Variants in LMCD1 observed in about 807,000 individuals in gnomAD.
LMCD1 encodes the protein LIM and cysteine rich domains 1.
In LMCD1, 32 loss-of-function variants were observed where a neutral mutation model predicts 42.7. That is an observed-to-expected ratio of 0.75 (90% CI 0.57 to 1.01). The LOEUF (loss-of-function observed/expected upper bound fraction) is 1.01, where lower values mean the gene tolerates loss of function less well. LMCD1 is among the 50% of genes least tolerant of loss of function. The probability of loss-of-function intolerance (pLI) is 0.00; values close to 1 mark genes in which losing one functional copy is unlikely to be tolerated. For missense variants in LMCD1, 458 were observed against 483.1 expected (o/e 0.95, Z 0.49); for synonymous variants, 178 against 184.9 (o/e 0.96, Z 0.30).
chr3:8,544,041 C>T (rs1459721055), intron 3 of LMCD1, among the ~76,000 whole-genome samples: 3 of 152,288 alleles, frequency 2.0e-5, no homozygotes, highest in South Asian at 2.1e-4. Context: ...GGCTTCTGCT[C>T]GTCCACATGG....
At chr3:8,530,002 T>C (rs1379041344) in intron 1 of LMCD1, among the ~76,000 whole-genome samples, 1 of 152,074 alleles carries the variant, frequency 6.6e-6, no homozygotes, top group Non-Finnish European at 1.5e-5. Context: ...CTTGCCCAAG[T>C]ACAGTGGAGG....
intron 3 of LMCD1, among the ~76,000 whole-genome samples, chr3:8,539,160 C>T (rs563714412): frequency 4.2e-4 from 64 of 152,248 alleles, no homozygotes; most frequent in African/African-American, 1.5e-3. Flanking sequence ...AAAAAACAAA[C>T]AAACCTTGAT....
At chr3:8,567,355 C>T in intron 5 of LMCD1, 85 bp from the exon 6 acceptor site, 3 of 1,366,314 alleles carry the variant, frequency 2.2e-6, no homozygotes, top group Non-Finnish European at 3.0e-6. Flanking sequence ...TGGGATGAAC[C>T]ACCACCCTAT....
intron 1 of LMCD1, among the ~76,000 whole-genome samples, chr3:8,529,540 C>A (rs1238384107): frequency 6.6e-6 from 1 of 152,170 alleles, no homozygotes. Flanking sequence ...AACGTCGATT[C>A]TCTTCAGGTG....
At chr3:8,556,967 C>G (rs1455383960) in intron 4 of LMCD1, among the ~76,000 whole-genome samples, 1 of 152,158 alleles carries the variant, frequency 6.6e-6, no homozygotes, top group Non-Finnish European at 1.5e-5. Context: ...ACCACCAACA[C>G]CAGGCTAAGG....
Position 8,569,999 on chromosome 3 carries a change from T to C in LMCD1, c.*2401T>C, listed in dbSNP as rs1305620155. 1 of 124,142 alleles carries C rather than the reference T, an allele frequency of 8.1e-6. No homozygotes were observed. The highest frequency in any genetic ancestry group is 1.7e-5 in the Non-Finnish European group (1 of 60,034). The allele number at this position is 124,142 out of a possible 1,614,324, so 7.7% of individuals were successfully genotyped here. On this transcript the variant is annotated 3_prime_UTR_variant, in exon 6 of 6. Transcript: ENST00000157600. ...TGTTTCCAAAAAAAAAAAAAAAGGA[T>C]AGGTTGCCTCTAAGTTGGCAAAGAG...
chr3:8,521,339 T>C (rs1170379958), intron 1 of LMCD1, among the ~76,000 whole-genome samples: 1 of 152,154 alleles, frequency 6.6e-6, no homozygotes, highest in Non-Finnish European at 1.5e-5. Context: ...CACCCAGCAA[T>C]GAATCTTTGA....
chr3:8,538,496 C>T (rs146480455), intron 3 of LMCD1, among the ~76,000 whole-genome samples: 4 of 152,294 alleles, frequency 2.6e-5, no homozygotes, highest in African/African-American at 9.6e-5. Flanking sequence ...CTTCAGGCTC[C>T]TCCATGGCTC....
intron 1 of LMCD1, among the ~76,000 whole-genome samples, chr3:8,519,896 A>C (rs1236747885): frequency 6.6e-6 from 1 of 151,720 alleles, no homozygotes; most frequent in East Asian, 1.9e-4. Flanking sequence ...ATCCTTTTCC[A>C]TGTGCACACA....
At chr3:8,516,274 T>G (rs929489215) in intron 1 of LMCD1, among the ~76,000 whole-genome samples, 1 of 152,132 alleles carries the variant, frequency 6.6e-6, no homozygotes, top group African/African-American at 2.4e-5. Flanking sequence ...TCAGGAGGCT[T>G]GGCCCTCCTG....
chr3:8,503,755 C>G (rs1693817200), intron 1 of LMCD1, among the ~76,000 whole-genome samples: 2 of 152,146 alleles, frequency 1.3e-5, no homozygotes, highest in South Asian at 4.1e-4. Flanking sequence ...ACTGCCTCCC[C>G]AAGTTCAGAC....
intron 3 of LMCD1, among the ~76,000 whole-genome samples, chr3:8,541,208 C>G (rs1176050009): frequency 2.0e-5 from 3 of 152,142 alleles, no homozygotes; most frequent in African/African-American, 7.2e-5. Flanking sequence ...TGGAACCTCT[C>G]CACCCAAGAT....
At chr3:8,502,312 A>ATATATAAAATATAT (rs1559342085) in intron 1 of LMCD1, among the ~76,000 whole-genome samples, 1 of 19,656 alleles carries the variant, frequency 5.1e-5, no homozygotes, top group Non-Finnish European at 7.5e-5. Flanking sequence ...ATAATATATA[A>ATATATAAAATATAT]AATATATATT....
intron 3 of LMCD1, among the ~76,000 whole-genome samples, chr3:8,540,013 C>T (rs1400882599): frequency 2.6e-5 from 4 of 151,540 alleles, no homozygotes; most frequent in South Asian, 2.1e-4. Context: ...TGATGTTCCC[C>T]ATCCTGTGTC....
intron 2 of LMCD1, among the ~76,000 whole-genome samples, chr3:8,536,711 C>G (rs1172202511): frequency 2.6e-5 from 4 of 152,188 alleles, no homozygotes; most frequent in Non-Finnish European, 5.9e-5. Context: ...GCTTTGTAAG[C>G]CAGATACTCT....
rs758262027 is a variant in LMCD1 at position 8,537,215 on chromosome 3, A to G, written c.162A>G (p.Gln54=). 3 of 1,614,062 alleles carry G rather than the reference A, an allele frequency of 1.9e-6. No homozygotes were observed. Among genetic ancestry groups the G allele is most frequent in the Non-Finnish European group, 2.5e-6 (3 of 1,180,032 alleles). ...RKICKSCKCS[Q]EDHCLTSDLE... is the part of the protein sequence containing the mutation. ...TATGCAAGTCTTGCAAATGCAGCCA[A>G]GAGGACCACTGCCTAACATCTGACC... The change falls in exon 3 of 6, where the codon CAA becomes CAG. Residue 54 remains glutamine (Q), a synonymous_variant. Coordinates refer to ENST00000157600, the MANE Select transcript of LMCD1 (RefSeq NM_014583.4).
chr3:8,530,135 G>A (rs979109164), intron 1 of LMCD1, among the ~76,000 whole-genome samples: 2 of 152,102 alleles, frequency 1.3e-5, no homozygotes, highest in East Asian at 1.9e-4. Flanking sequence ...AGGCTCGGGA[G>A]CCTCTACACA....
chr3:8,521,193 C>CAA (rs1694197754), intron 1 of LMCD1, among the ~76,000 whole-genome samples: 1 of 152,114 alleles, frequency 6.6e-6, no homozygotes, highest in African/African-American at 2.4e-5. Flanking sequence ...AGCTGGCAGC[C>CAA]AAAAAGGCTG....
At chr3:8,541,865 G>T (rs914186944) in intron 3 of LMCD1, among the ~76,000 whole-genome samples, 1 of 152,142 alleles carries the variant, frequency 6.6e-6, no homozygotes, top group African/African-American at 2.4e-5. Context: ...GATTCTGAGG[G>T]CTTGATTAGC....
Sources: gnomAD v4.1 joint callset for allele counts (sites outside exome capture counted in the v4.1 genomes callset) on GRCh38, gnomAD v4.1.1 for gene constraint, MANE v1.5 for transcripts, NCBI Gene and HGNC (gene_info 2026-07-23, HGNC 2026-07-21) for gene names.